PITPNM2: variants seen among roughly 807,000 people sequenced by gnomAD.
The protein encoded by PITPNM2 is phosphatidylinositol transfer protein membrane associated 2.
A neutral mutation model predicts 132.2 loss-of-function variants in PITPNM2; 35 were observed. That is an observed-to-expected ratio of 0.26 (90% CI 0.20 to 0.35). PITPNM2 has a LOEUF of 0.35. Among genes scored for constraint, PITPNM2 ranks in the 10% least tolerant of loss-of-function variants. The pLI is 1.00. For missense variants in PITPNM2, 1,332 were observed against 1,912.0 expected (o/e 0.70, Z 5.66); for synonymous variants, 738 against 799.2 (o/e 0.92, Z 1.29).
rs2137407466 is a variant in PITPNM2, at chr12:123,117,892, C to T, written c.-199-7404G>A. The stretch of plus-strand genomic sequence containing the variant: ...AGGTCCACCACTTCAAAGCCTGGCC[C>T]CCAGAATGCCCCATGCAATCTCCTA... On this transcript the variant is annotated intron_variant, in intron 1 of 25. Transcript: ENST00000320201. This position sits in a 1 kb window ranked among gnomAD's most constrained non-coding sequence, Gnocchi z 4.7. Among the ~76,000 whole-genome samples the T allele has an allele frequency of 6.6e-6, 1 of 152,310 alleles. No individual in the cohort carries two copies. Among genetic ancestry groups the T allele is most frequent in the South Asian group, 2.1e-4 (1 of 4,818 alleles).
chr12:123,149,556 G>A (rs2043685589), intron 1 of PITPNM2, among the ~76,000 whole-genome samples: 1 of 152,242 alleles, frequency 6.6e-6, no homozygotes, highest in Non-Finnish European at 1.5e-5. Flanking sequence ...ACTCCACGCA[G>A]GGTACTGACC....
At chr12:123,026,878 T>C (rs1352619818) in intron 3 of PITPNM2, among the ~76,000 whole-genome samples, 1 of 152,236 alleles carries the variant, frequency 6.6e-6, no homozygotes, top group East Asian at 1.9e-4. Flanking sequence ...CCTTTTCTTA[T>C]AGGGACACTA....
At chr12:123,041,927 C>G (rs566659964) in intron 2 of PITPNM2, among the ~76,000 whole-genome samples, 1 of 152,046 alleles carries the variant, frequency 6.6e-6, no homozygotes, top group Admixed American at 6.6e-5. Flanking sequence ...CTGGCATTCA[C>G]GACCCTAGAA....
rs925923902 is a variant in PITPNM2 at position 123,000,109 on chromosome 12, G to A, written c.1224+669C>T. On this transcript the variant is annotated intron_variant, in intron 10 of 25. Coordinates refer to ENST00000320201, the MANE Select transcript of PITPNM2 (RefSeq NM_020845.3). The surrounding 1 kb of genome is among the most constrained non-coding windows in gnomAD (Gnocchi z 5.4). ...CCCCGCCTAGATTCCCCGGGGGCCC[G>A]AGTTCCCCACAGAAGTGGTGCTGCC... is the stretch of plus-strand genomic sequence containing the variant. Among the ~76,000 whole-genome samples the A allele has an allele frequency of 5.9e-5, 9 of 152,202 alleles. No individual in the cohort carries two copies. The highest frequency in any genetic ancestry group is 9.7e-5 in the African/African-American group (4 of 41,446).
intron 2 of PITPNM2, among the ~76,000 whole-genome samples, chr12:123,074,666 C>A (rs1260316137): frequency 6.6e-6 from 1 of 152,130 alleles, no homozygotes; most frequent in Non-Finnish European, 1.5e-5. Context: ...TATGGCCTCA[C>A]AGCTCAGTAC....
At chr12:123,113,308 G>C (rs1002776305) in intron 1 of PITPNM2, among the ~76,000 whole-genome samples, 4 of 152,232 alleles carry the variant, frequency 2.6e-5, no homozygotes, top group African/African-American at 9.6e-5. Context: ...ACGGCAAACT[G>C]TCCAGAGTGC....
intron 1 of PITPNM2, among the ~76,000 whole-genome samples, chr12:123,114,537 T>A (rs2042899730): frequency 6.7e-6 from 1 of 150,366 alleles, no homozygotes; most frequent in South Asian, 2.1e-4. Context: ...CCAAGTGCCA[T>A]TTCTCCCCTT....
At chr12:123,019,107 T>C (rs559992072) in intron 3 of PITPNM2, among the ~76,000 whole-genome samples, 20 of 152,308 alleles carry the variant, frequency 1.3e-4, no homozygotes, top group Middle Eastern at 6.8e-3. Context: ...TTTGAGGTGA[T>C]GAAAGTGCTC....
intron 8 of PITPNM2, among the ~76,000 whole-genome samples, chr12:123,002,338 AAATAAATAAAT>A (rs1488360690): frequency 6.6e-6 from 1 of 152,184 alleles, no homozygotes; most frequent in East Asian, 1.9e-4. Flanking sequence ...TCCGTCTCAA[AAATAAATAAAT>A]AATAAATAAA....
rs547872010 is a variant in PITPNM2, at chr12:123,106,576, C to T, written c.-96+3809G>A. ...GGCTAAAGCCCTGCGTACTGAGCAG[C>T]GTCAGGTGTGTGTCAAAGAACCATA... On this transcript the variant is annotated intron_variant, in intron 2 of 25. Transcript: ENST00000320201. The surrounding 1 kb of genome is among the most constrained non-coding windows in gnomAD (Gnocchi z 4.4). Among the ~76,000 whole-genome samples the T allele has an allele frequency of 4.6e-5, 7 of 152,226 alleles. No individual in the cohort carries two copies. Among genetic ancestry groups the T allele is most frequent in the Admixed American group, 1.3e-4 (2 of 15,298 alleles).
chr12:123,032,661 A>G (rs1381923914), intron 3 of PITPNM2, among the ~76,000 whole-genome samples: 1 of 152,086 alleles, frequency 6.6e-6, no homozygotes, highest in African/African-American at 2.4e-5. Flanking sequence ...GTCTGGGTTC[A>G]CCCTGGCTTG....
At chr12:123,100,224 G>C (rs2042527103) in intron 2 of PITPNM2, among the ~76,000 whole-genome samples, 3 of 152,196 alleles carry the variant, frequency 2.0e-5, no homozygotes, top group African/African-American at 7.2e-5. Flanking sequence ...AGCCTCTCTG[G>C]AAAACAGTCT....
At chr12:123,112,560 A>G (rs930528846) in intron 1 of PITPNM2, among the ~76,000 whole-genome samples, 7 of 139,562 alleles carry the variant, frequency 5.0e-5, no homozygotes, top group African/African-American at 1.6e-4. Flanking sequence ...TTTTTTTGAG[A>G]TGGAGTCTTG....
chr12:123,032,346 G>C (rs930000763), intron 3 of PITPNM2, among the ~76,000 whole-genome samples: 1 of 152,220 alleles, frequency 6.6e-6, no homozygotes, highest in Admixed American at 6.5e-5. Context: ...GTGTGGTGGC[G>C]CGTGCCTGTA....
chr12:123,061,280 C>T (rs886792363), intron 2 of PITPNM2, among the ~76,000 whole-genome samples: 1 of 152,222 alleles, frequency 6.6e-6, no homozygotes, highest in African/African-American at 2.4e-5. Flanking sequence ...GGAAGGGTAA[C>T]AGGGCTCATG....
At chr12:123,040,275 T>C (rs1431842324) in intron 2 of PITPNM2, among the ~76,000 whole-genome samples, 1 of 152,182 alleles carries the variant, frequency 6.6e-6, no homozygotes, top group African/African-American at 2.4e-5. Flanking sequence ...GAGTTTCTAT[T>C]TGGGTGATAA....
rs897069194 is a variant in PITPNM2, at chr12:123,108,161, A to G, written c.-96+2224T>C. ...AGGGATGCCTGTCTGTTTTGTTCAC[A>G]GTGGCGTCTCTGGCAACTGGAATGG... On this transcript the variant is annotated intron_variant, in intron 2 of 25. Coordinates refer to ENST00000320201, the MANE Select transcript of PITPNM2 (RefSeq NM_020845.3). The surrounding 1 kb of genome is among the most constrained non-coding windows in gnomAD (Gnocchi z 4.4). 1.2e-4 allele frequency among the ~76,000 whole-genome samples: 18 copies of G among 152,224 alleles called. No individual in the cohort carries two copies. The highest frequency in any genetic ancestry group is 3.1e-4 in the African/African-American group (13 of 41,454).
intron 6 of PITPNM2, among the ~76,000 whole-genome samples, chr12:123,007,056 C>T (rs59849333): frequency 6.6e-6 from 1 of 152,190 alleles, no homozygotes; most frequent in Non-Finnish European, 1.5e-5. Flanking sequence ...CGCCTGGCCC[C>T]TGACAGTTGG....
chr12:123,046,012 C>T (rs992737694), intron 2 of PITPNM2, among the ~76,000 whole-genome samples: 5 of 152,064 alleles, frequency 3.3e-5, no homozygotes, highest in African/African-American at 9.7e-5. Flanking sequence ...CTCTCTGTGT[C>T]GCCTAAGACA....
Sources: gnomAD v4.1 joint callset for allele counts (sites outside exome capture counted in the v4.1 genomes callset) on GRCh38, gnomAD v4.1.1 for gene constraint, Gnocchi (gnomAD v3.1) non-coding constraint, MANE v1.5 for transcripts, NCBI Gene and HGNC (gene_info 2026-07-23, HGNC 2026-07-21) for gene names.